The following MARCHF1 variants were observed in gnomAD, a reference collection of about 807,000 sequenced individuals.
MARCHF1 encodes E3 ubiquitin-protein ligase MARCHF1.
Under a neutral mutation model 54.2 loss-of-function variants are expected in MARCHF1, and 40 were observed. That is an observed-to-expected ratio of 0.74 (90% CI 0.57 to 0.96). The LOEUF (loss-of-function observed/expected upper bound fraction) is 0.96. Ranked by LOEUF, MARCHF1 falls within the 40% of genes least tolerant of loss-of-function variation. The pLI is 0.00. For missense variants in MARCHF1, 586 were observed against 656.5 expected (o/e 0.89, Z 1.17); for synonymous variants, 236 against 236.3 (o/e 1.00, Z 0.01).
At chr4:164,251,179 T>C (rs369612590) in intron 1 of MARCHF1, among the ~76,000 whole-genome samples, 13 of 152,184 alleles carry the variant, frequency 8.5e-5, no homozygotes, top group African/African-American at 2.9e-4. Context: ...TTCTGAAATA[T>C]ATTTCCCTAA....
chr4:164,215,459 A>G (rs1191404655), intron 1 of MARCHF1, among the ~76,000 whole-genome samples: 2 of 152,100 alleles, frequency 1.3e-5, no homozygotes, highest in Non-Finnish European at 2.9e-5. Context: ...GTGACAGGCC[A>G]GAGTAGTCTT....
At chr4:163,746,825 C>A (rs1014204588) in intron 4 of MARCHF1, among the ~76,000 whole-genome samples, 1 of 152,170 alleles carries the variant, frequency 6.6e-6, no homozygotes, top group Non-Finnish European at 1.5e-5. Context: ...AATCACTTCA[C>A]CTCATGAGCC....
Position 163,853,991 on chromosome 4 carries a change from C to T in MARCHF1, c.111+30G>A. On this transcript the variant is annotated intron_variant, in intron 4 of 9. Coordinates refer to ENST00000514618, the MANE Select transcript of MARCHF1 (RefSeq NM_001394959.1). The stretch of plus-strand genomic sequence containing the variant: ...TTTAGCATTCTATTTACATATAAGC[C>T]AATTTGAGGTAAAGTAACTTTCCAC... 2.0e-6 allele frequency: 3 copies of T among 1,532,704 alleles called. No homozygotes were observed. In the South Asian group the frequency reaches 3.6e-5, roughly 18 times the overall value. The allele number at this position is 1,532,704 out of a possible 1,614,324, so 94.9% of individuals were successfully genotyped here.
At chr4:164,136,651 A>T (rs987837014) in intron 1 of MARCHF1, among the ~76,000 whole-genome samples, 2 of 152,186 alleles carry the variant, frequency 1.3e-5, no homozygotes, top group Non-Finnish European at 2.9e-5. Flanking sequence ...GGACGCCTCA[A>T]CCACGGAGCC....
intron 1 of MARCHF1, among the ~76,000 whole-genome samples, chr4:164,369,187 G>A (rs1273117050): frequency 6.6e-6 from 1 of 152,234 alleles, no homozygotes; most frequent in Non-Finnish European, 1.5e-5. Flanking sequence ...ACGGCCAGAC[G>A]CTTCCCACTG....
chr4:164,142,791 C>A (rs1352308051), intron 1 of MARCHF1, among the ~76,000 whole-genome samples: 1 of 152,178 alleles, frequency 6.6e-6, no homozygotes, highest in African/African-American at 2.4e-5. Flanking sequence ...GAACGCAGTT[C>A]CTCACCAGCA....
At chr4:163,985,887 T>G (rs1752852467) in intron 3 of MARCHF1, among the ~76,000 whole-genome samples, 1 of 152,184 alleles carries the variant, frequency 6.6e-6, no homozygotes, top group South Asian at 2.1e-4. Flanking sequence ...TGTCCATATA[T>G]GTACAAGATG....
chr4:164,126,357 A>G (rs1408543066), intron 1 of MARCHF1, among the ~76,000 whole-genome samples: 1 of 152,198 alleles, frequency 6.6e-6, no homozygotes, highest in East Asian at 1.9e-4. Flanking sequence ...CTCATCAGAC[A>G]CCGAATCTTC....
In MARCHF1 at chr4:163,745,299, G is replaced by C. The variant is rs560176277; in HGVS notation, c.112-44436C>G. Among the ~76,000 whole-genome samples the C allele has an allele frequency of 2.6e-5, 4 of 151,930 alleles. No individual in the cohort carries two copies. In the East Asian group the frequency reaches 7.7e-4, roughly 29 times the overall value. ...GCTATTTTTTTTTGTATTTTTAGTA[G>C]AGACAGGGTTTCATCATCTTGTCCA... On this transcript the variant is annotated intron_variant, in intron 4 of 9. Coordinates refer to ENST00000514618, the MANE Select transcript of MARCHF1 (RefSeq NM_001394959.1).
chr4:164,256,432 T>TAAAAAAAAAAAAAAAAAAAAAAAAAATAA (rs11345775), intron 1 of MARCHF1, among the ~76,000 whole-genome samples: 1 of 121,860 alleles, frequency 8.2e-6, no homozygotes, highest in African/African-American at 3.1e-5. Flanking sequence ...ACAAGAAGCT[T>TAAAAAAAAAAAAAAAAAAAAAAAAAATAA]AAAAAAAAAA....
chr4:164,287,691 A>G (rs1169048884), intron 1 of MARCHF1, among the ~76,000 whole-genome samples: 1 of 152,204 alleles, frequency 6.6e-6, no homozygotes, highest in Non-Finnish European at 1.5e-5. Context: ...CAGTGCTGGG[A>G]TGACATGAAA....
At chr4:163,659,234 A>T (rs954368965) in intron 5 of MARCHF1, among the ~76,000 whole-genome samples, 1 of 151,950 alleles carries the variant, frequency 6.6e-6, no homozygotes, top group Non-Finnish European at 1.5e-5. Context: ...CATGAATTTC[A>T]TTAAACACTG....
chr4:163,614,667 G>A (rs989699917), intron 5 of MARCHF1, among the ~76,000 whole-genome samples: 2 of 151,986 alleles, frequency 1.3e-5, no homozygotes, highest in African/African-American at 4.8e-5. Context: ...GCTAAATAAT[G>A]GTCCCCCCAA....
chr4:163,588,425 A>G (rs1356507353), intron 7 of MARCHF1, among the ~76,000 whole-genome samples: 1 of 152,350 alleles, frequency 6.6e-6, no homozygotes, highest in East Asian at 1.9e-4. Context: ...GAATTCAGTC[A>G]ACAAAATATG....
chr4:164,138,765 G>A (rs1188188860), intron 1 of MARCHF1, among the ~76,000 whole-genome samples: 2 of 152,190 alleles, frequency 1.3e-5, no homozygotes, highest in Non-Finnish European at 2.9e-5. Context: ...TTAAGTGATA[G>A]CTCCTTGCTG....
chr4:163,560,387 G>A (rs1320845659), intron 8 of MARCHF1, among the ~76,000 whole-genome samples: 1 of 152,070 alleles, frequency 6.6e-6, no homozygotes, highest in Non-Finnish European at 1.5e-5. Context: ...CAATTTACTT[G>A]TCAGTCTTAA....
chr4:163,934,373 A>T (rs1034949149), intron 3 of MARCHF1, among the ~76,000 whole-genome samples: 3 of 151,916 alleles, frequency 2.0e-5, no homozygotes, highest in African/African-American at 7.3e-5. Flanking sequence ...AACCTGGGCA[A>T]CATAGAAATG....
intron 3 of MARCHF1, among the ~76,000 whole-genome samples, chr4:163,954,067 T>C (rs1752185976): frequency 6.6e-6 from 1 of 152,166 alleles, no homozygotes; most frequent in African/African-American, 2.4e-5. Flanking sequence ...TAACAATAGG[T>C]TGTGTACAGT....
intron 1 of MARCHF1, among the ~76,000 whole-genome samples, chr4:164,381,673 T>G (rs575605831): frequency 6.6e-6 from 1 of 152,314 alleles, no homozygotes; most frequent in South Asian, 2.1e-4. Flanking sequence ...ATGTAGATTT[T>G]TATATAGTGT....
Sources: allele counts gnomAD v4.1 joint callset (sites outside exome capture counted in the v4.1 genomes callset), GRCh38; gene constraint gnomAD v4.1.1; transcripts MANE v1.5; gene names NCBI Gene and HGNC (gene_info 2026-07-23, HGNC 2026-07-21).